Variants in ATP6V1H observed in about 807,000 individuals in gnomAD.
ATP6V1H encodes V-type proton ATPase subunit H.
A neutral mutation model predicts 71.7 loss-of-function variants in ATP6V1H; 39 were observed. That is an observed-to-expected ratio of 0.54 (90% CI 0.42 to 0.71). The LOEUF is 0.71. ATP6V1H is among the 30% of genes least tolerant of loss of function. The pLI, the probability that ATP6V1H is intolerant of heterozygous loss-of-function variation, is 0.00. For missense variants in ATP6V1H, 509 were observed against 594.9 expected (o/e 0.86, Z 1.50); for synonymous variants, 192 against 199.3 (o/e 0.96, Z 0.31).
In ATP6V1H at chr8:53,756,580, C is replaced by T. The variant is rs1211773759; in HGVS notation, c.1252G>A (p.Val418Met). ...CGTTTGCCTCGTGGATAATGCCGCA[C>T]ATATTCTCCAACATCGTGAGCAGCA... ...AVAAHDVGEY[V>M]RHYPRGKRVI... The change falls in exon 12 of 14, where the codon GTG becomes ATG. Residue 418 changes from valine (V) to methionine (M), a missense_variant. Val to Met is a conservative substitution (Grantham distance 21). Coordinates refer to ENST00000359530, the MANE Select transcript of ATP6V1H (RefSeq NM_015941.4). 3.7e-6 allele frequency: 6 copies of T among 1,613,948 alleles called. No individual in the cohort carries two copies. In the Admixed American group the frequency reaches 6.7e-5, roughly 18 times the overall value.
At chr8:53,772,478 T>C (rs1808699012) in intron 9 of ATP6V1H, among the ~76,000 whole-genome samples, 1 of 152,184 alleles carries the variant, frequency 6.6e-6, no homozygotes, top group African/African-American at 2.4e-5. Context: ...GGACTTGCTC[T>C]GGCTGTGAGC....
intron 8 of ATP6V1H, among the ~76,000 whole-genome samples, chr8:53,799,856 G>A (rs1185176196): frequency 2.0e-5 from 3 of 152,136 alleles, no homozygotes; most frequent in Admixed American, 6.5e-5. Flanking sequence ...TATGAATGAG[G>A]AAACAGGCCC....
At chr8:53,823,822 A>G (rs1320052850) in intron 4 of ATP6V1H, among the ~76,000 whole-genome samples, 1 of 152,204 alleles carries the variant, frequency 6.6e-6, no homozygotes, top group East Asian at 1.9e-4. Context: ...TAAAATTCCC[A>G]GTTCAAAATG....
intron 4 of ATP6V1H, among the ~76,000 whole-genome samples, chr8:53,823,438 T>G (rs1403578687): frequency 6.6e-6 from 1 of 152,078 alleles, no homozygotes; most frequent in Non-Finnish European, 1.5e-5. Flanking sequence ...GGATATACTT[T>G]AAGCAGTAAT....
At chr8:53,723,237 G>A (rs1585716272) in intron 13 of ATP6V1H, among the ~76,000 whole-genome samples, 1 of 152,106 alleles carries the variant, frequency 6.6e-6, no homozygotes, top group East Asian at 1.9e-4. Flanking sequence ...GGATAAACCT[G>A]GGAAGTTGTT....
chr8:53,802,552 C>A (rs369782100), intron 7 of ATP6V1H, among the ~76,000 whole-genome samples: 6 of 151,978 alleles, frequency 3.9e-5, no homozygotes, highest in Admixed American at 3.9e-4. Flanking sequence ...AACCCCATAT[C>A]TACTAAAAAT....
At chr8:53,751,241 C>T (rs989699091) in intron 12 of ATP6V1H, among the ~76,000 whole-genome samples, 1 of 152,206 alleles carries the variant, frequency 6.6e-6, no homozygotes, top group African/African-American at 2.4e-5. Context: ...GACAAGTCCA[C>T]ATATAATCTG....
At chr8:53,742,050 C>T (rs1807431338) in intron 13 of ATP6V1H, among the ~76,000 whole-genome samples, 1 of 151,928 alleles carries the variant, frequency 6.6e-6, no homozygotes, top group Non-Finnish European at 1.5e-5. Context: ...ATTTAATATC[C>T]TTGCAATGGT....
chr8:53,769,950 C>T (rs567329029), intron 10 of ATP6V1H, among the ~76,000 whole-genome samples: 23 of 152,056 alleles, frequency 1.5e-4, no homozygotes, highest in Non-Finnish European at 2.9e-4. Flanking sequence ...TAAGGTCCAA[C>T]CCTCCTGTCA....
chr8:53,729,921 A>C (rs1806959056), intron 13 of ATP6V1H, among the ~76,000 whole-genome samples: 1 of 152,160 alleles, frequency 6.6e-6, no homozygotes, highest in East Asian at 1.9e-4. Flanking sequence ...GCCAGGCAGG[A>C]AGCAAGGGAG....
chr8:53,730,077 GAGA>G (rs1210019142), intron 13 of ATP6V1H, among the ~76,000 whole-genome samples: 3 of 152,200 alleles, frequency 2.0e-5, no homozygotes, highest in African/African-American at 7.2e-5. Flanking sequence ...GCAGTCTACA[GAGA>G]AGAAGTGAAC....
chr8:53,819,839 C>CACAT (rs1157283261), intron 4 of ATP6V1H, among the ~76,000 whole-genome samples: 12 of 147,684 alleles, frequency 8.1e-5, no homozygotes, highest in East Asian at 4.0e-4. Flanking sequence ...CACACACACA[C>CACAT]ACATACATAC....
chr8:53,838,155 T>G (rs1811222478), intron 2 of ATP6V1H, among the ~76,000 whole-genome samples: 1 of 151,146 alleles, frequency 6.6e-6, no homozygotes, highest in South Asian at 2.1e-4. Flanking sequence ...AGTCAGAGTC[T>G]TGCTCTATTG....
chr8:53,787,604 C>T (rs906232157), intron 9 of ATP6V1H, among the ~76,000 whole-genome samples: 1 of 152,156 alleles, frequency 6.6e-6, no homozygotes, highest in Non-Finnish European at 1.5e-5. Context: ...CTTTATCTGA[C>T]ATATAATGTA....
intron 8 of ATP6V1H, among the ~76,000 whole-genome samples, chr8:53,798,176 C>G (rs1278900650): frequency 6.6e-6 from 1 of 152,036 alleles, no homozygotes. Context: ...GGCTTTTTAA[C>G]AACAATAAAA....
In ATP6V1H at chr8:53,831,101, T is replaced by C. The variant is rs547393416; in HGVS notation, c.217-1568A>G. Among the ~76,000 whole-genome samples the C allele has an allele frequency of 2.2e-4, 33 of 152,180 alleles. No homozygotes were observed. In the South Asian group the frequency reaches 6.6e-3, roughly 31 times the overall value. ...TTAAAACATAAAGGAAACTGACAAA[T>C]CAATAAGATTATAAACACTTCCATA... is the stretch of plus-strand genomic sequence containing the variant. On this transcript the variant is annotated intron_variant, in intron 3 of 13. Transcript: ENST00000359530.
At chr8:53,771,481 C>T (rs530579348) in intron 10 of ATP6V1H, among the ~76,000 whole-genome samples, 7 of 152,060 alleles carry the variant, frequency 4.6e-5, no homozygotes, top group Admixed American at 2.0e-4. Flanking sequence ...ACAAGAGACC[C>T]GAGGGAGAGT....
Position 53,834,228 on chromosome 8 carries a change from C to T in ATP6V1H, c.114-1142G>A, listed in dbSNP as rs535078839. On this transcript the variant is annotated intron_variant, in intron 2 of 13. Coordinates refer to ENST00000359530, the MANE Select transcript of ATP6V1H (RefSeq NM_015941.4). Reference sequence around the variant, plus strand: ...GAAAGCTTAGCAAGTCACTATTCATCTGACCACTATTCACACCAGTAAAAC... The same window carrying T: ...GAAAGCTTAGCAAGTCACTATTCATTTGACCACTATTCACACCAGTAAAAC... Among the ~76,000 whole-genome samples, 136 of 152,296 alleles carry T rather than the reference C, an allele frequency of 8.9e-4. 2 individuals carry two copies. The highest frequency in any genetic ancestry group is 3.4e-3 in the Middle Eastern group (1 of 294).
Position 53,812,242 on chromosome 8 carries a change from C to A in ATP6V1H, c.526-1025G>T, listed in dbSNP as rs1175961203. Among the ~76,000 whole-genome samples, 4 of 152,200 alleles carry A rather than the reference C, an allele frequency of 2.6e-5. No homozygotes were observed. The East Asian group carries it at 7.7e-4, about 29-fold the overall frequency. On this transcript the variant is annotated intron_variant, in intron 6 of 13. Transcript: ENST00000359530. ...CTAAGCCTGGGTACCCTGAAGAGTT[C>A]CCCTGCAGCAGAAGGACCCGCAAAG...
Sources: allele counts gnomAD v4.1 joint callset (sites outside exome capture counted in the v4.1 genomes callset), GRCh38; gene constraint gnomAD v4.1.1; transcripts MANE v1.5; gene names NCBI Gene and HGNC (gene_info 2026-07-23, HGNC 2026-07-21).